NAT1: variants seen among roughly 807,000 people sequenced by gnomAD.
The protein encoded by NAT1 is arylamine N-acetyltransferase 1.
For synonymous variants in NAT1, 144 were observed against 122.6 expected (o/e 1.17, Z -1.16); for missense variants, 400 against 339.2 (o/e 1.18, Z -1.41).
At chr8:18,188,205 TAG>T (rs1419224470) in intron 2 of NAT1, among the ~76,000 whole-genome samples, 1 of 152,194 alleles carries the variant, frequency 6.6e-6, no homozygotes, top group Non-Finnish European at 1.5e-5. Context: ...AGTAAACAAT[TAG>T]ACACATCCCT....
intron 2 of NAT1, among the ~76,000 whole-genome samples, chr8:18,176,678 C>G (rs1264335721): frequency 6.6e-6 from 1 of 151,100 alleles, no homozygotes; most frequent in Non-Finnish European, 1.5e-5. Flanking sequence ...TCTTTTTGCT[C>G]AAGATTGTTT....
At chr8:18,206,175 G>A (rs1381957063), upstream of NAT1, among the ~76,000 whole-genome samples, 1 of 152,180 alleles carries the variant, frequency 6.6e-6, no homozygotes, top group Non-Finnish European at 1.5e-5. Context: ...TGGTGAAAGT[G>A]AGTTGCTCCA....
upstream of NAT1, among the ~76,000 whole-genome samples, chr8:18,205,728 G>T (rs765892374): frequency 1.5e-4 from 23 of 152,204 alleles, no homozygotes; most frequent in Non-Finnish European, 3.1e-4. Flanking sequence ...GTGTGGAGAG[G>T]GTGCATGCAG....
At chr8:18,221,210 T>C (rs1348379400) in intron 2 of NAT1, among the ~76,000 whole-genome samples, 1 of 152,142 alleles carries the variant, frequency 6.6e-6, no homozygotes, top group Admixed American at 6.5e-5. Context: ...TAAGGCCTTG[T>C]TATTTTCTGT....
chr8:18,212,033 CTATGTTGGGCTCTTGT>C (rs1316175342), intron 1 of NAT1, among the ~76,000 whole-genome samples: 50 of 152,096 alleles, frequency 3.3e-4, no homozygotes, highest in African/African-American at 1.2e-3. Flanking sequence ...TTTAATTCTT[CTATGTTGGGCTCTTGT>C]TTATAACTTT....
chr8:18,198,402 A>G (rs1206340391), intron 2 of NAT1, among the ~76,000 whole-genome samples: 3 of 152,232 alleles, frequency 2.0e-5, no homozygotes, highest in South Asian at 2.1e-4. Flanking sequence ...TCCTAACCAC[A>G]TAAGATTCTT....
upstream of NAT1, among the ~76,000 whole-genome samples, chr8:18,208,947 T>A (rs1803855619): frequency 6.6e-6 from 1 of 152,180 alleles, no homozygotes; most frequent in Non-Finnish European, 1.5e-5. Flanking sequence ...GGAAGATGAT[T>A]TAAGGACGTA....
intron 1 of NAT1, 90 bp from the exon 2 acceptor site, chr8:18,219,321 A>C: frequency 4.7e-6 from 4 of 852,054 alleles, no homozygotes; most frequent in Non-Finnish European, 7.3e-6. Context: ...TTTTTAGGAA[A>C]TCTTCATAAT....
At chr8:18,202,898 G>A (rs550097093) in intron 2 of NAT1, among the ~76,000 whole-genome samples, 1 of 152,252 alleles carries the variant, frequency 6.6e-6, no homozygotes, top group African/African-American at 2.4e-5. Context: ...TCCCACACAC[G>A]TCCTGCTGAT....
intron 2 of NAT1, among the ~76,000 whole-genome samples, chr8:18,193,631 C>CT (rs796247875): frequency 0.41 from 23,671 of 57,604 alleles, 8,379 homozygotes; most frequent in Non-Finnish European, 0.53. Flanking sequence ...TGTAAACCTG[C>CT]TTTTTTTTTT....
chr8:18,185,843 A>G (rs973032249), intron 2 of NAT1, among the ~76,000 whole-genome samples: 1 of 152,118 alleles, frequency 6.6e-6, no homozygotes, highest in Non-Finnish European at 1.5e-5. Flanking sequence ...AAAATTTGAT[A>G]TGTTACATTT....
chr8:18,202,355 C>T (rs570941462), intron 2 of NAT1, among the ~76,000 whole-genome samples: 1 of 152,174 alleles, frequency 6.6e-6, no homozygotes, highest in African/African-American at 2.4e-5. Flanking sequence ...AGAGATTGAT[C>T]GTCTAAAGCG....
At chr8:18,205,894 G>T (rs896356209), upstream of NAT1, among the ~76,000 whole-genome samples, 9 of 152,194 alleles carry the variant, frequency 5.9e-5, no homozygotes, top group Admixed American at 2.0e-4. Context: ...GGGGTGCTCA[G>T]GTTGGACTGG....
intron 2 of NAT1, among the ~76,000 whole-genome samples, chr8:18,195,305 A>T (rs191218847): frequency 2.8e-4 from 43 of 152,342 alleles, no homozygotes; most frequent in African/African-American, 9.4e-4. Flanking sequence ...TCAAAAGCAT[A>T]GATTGCTTCC....
At chr8:18,187,726 A>C (rs1213635145) in intron 2 of NAT1, among the ~76,000 whole-genome samples, 4 of 152,000 alleles carry the variant, frequency 2.6e-5, no homozygotes. Flanking sequence ...GGAGAAAAAA[A>C]CGGGATAAGG....
At chr8:18,207,825 T>C (rs1459510225), upstream of NAT1, among the ~76,000 whole-genome samples, 4 of 152,206 alleles carry the variant, frequency 2.6e-5, no homozygotes, top group Non-Finnish European at 4.4e-5. Context: ...TATATGTTCA[T>C]TGAAGCACTA....
At chr8:18,221,379 T>C (rs1805281781) in intron 2 of NAT1, among the ~76,000 whole-genome samples, 1 of 151,808 alleles carries the variant, frequency 6.6e-6, no homozygotes. Context: ...CTGGGTCCTT[T>C]CTTTACTTTA....
At chr8:18,193,229 C>T (rs1803088245) in intron 2 of NAT1, among the ~76,000 whole-genome samples, 3 of 149,926 alleles carry the variant, frequency 2.0e-5, no homozygotes, top group Admixed American at 6.6e-5. Flanking sequence ...AGGTGTGTGC[C>T]ACCACACCTG....
chr8:18,220,026 A>G (rs911961942), intron 2 of NAT1, among the ~76,000 whole-genome samples: 1 of 152,242 alleles, frequency 6.6e-6, no homozygotes, highest in African/African-American at 2.4e-5. Context: ...ATATCCAGGT[A>G]TGTATAAACC....
Sources: gnomAD v4.1 joint callset for allele counts (sites outside exome capture counted in the v4.1 genomes callset) on GRCh38, gnomAD v4.1.1 for gene constraint, MANE v1.5 for transcripts, NCBI Gene and HGNC (gene_info 2026-07-23, HGNC 2026-07-21) for gene names.